Variants in SPOCK3 observed in about 807,000 individuals in gnomAD.
SPOCK3 encodes the protein SPARC (osteonectin), cwcv and kazal like domains proteoglycan 3.
In SPOCK3, 30 loss-of-function variants were observed where a neutral mutation model predicts 56.6. The observed-to-expected ratio is 0.53, with a 90% CI of 0.40 to 0.72. The LOEUF is 0.72. SPOCK3 is among the 30% of genes least tolerant of loss of function. The pLI is 0.00. For synonymous variants in SPOCK3, 196 were observed against 183.3 expected (o/e 1.07, Z -0.56); for missense variants, 527 against 530.0 (o/e 0.99, Z 0.06).
At chr4:166,938,947 T>C (rs1019805971) in intron 4 of SPOCK3, among the ~76,000 whole-genome samples, 21 of 102,892 alleles carry the variant, frequency 2.0e-4, no homozygotes, top group African/African-American at 7.5e-4. Flanking sequence ...AAGACACACA[T>C]ACACACACCA....
In SPOCK3 at chr4:167,181,656, A is replaced by G. The variant is rs1454982119; in HGVS notation, c.189+52329T>C. On this transcript the variant is annotated intron_variant, in intron 2 of 10. Coordinates refer to ENST00000357545, the MANE Select transcript of SPOCK3 (RefSeq NM_001040159.2). ...GTGTAACTCAAATTCCCATACTCCC[A>G]ACCCAGGATGTTTTCACTTGCTTTG... Among the ~76,000 whole-genome samples the G allele has an allele frequency of 4.6e-5, 7 of 152,104 alleles. No homozygotes were observed. The East Asian group carries it at 1.3e-3, about 29-fold the overall frequency.
chr4:167,124,645 A>C (rs1466961034), intron 2 of SPOCK3, among the ~76,000 whole-genome samples: 1 of 146,158 alleles, frequency 6.8e-6, no homozygotes, highest in Non-Finnish European at 1.5e-5. Context: ...AGTTTGCCTT[A>C]TCTTTTTTTT....
At chr4:167,095,964 T>G (rs1377918843) in intron 2 of SPOCK3, among the ~76,000 whole-genome samples, 1 of 151,836 alleles carries the variant, frequency 6.6e-6, no homozygotes, top group African/African-American at 2.4e-5. Context: ...TTGTATACTT[T>G]CAAGGAACAA....
At chr4:166,839,615 G>A (rs1264796173) in intron 6 of SPOCK3, among the ~76,000 whole-genome samples, 2 of 152,060 alleles carry the variant, frequency 1.3e-5, no homozygotes, top group Non-Finnish European at 1.5e-5. Flanking sequence ...CACGGAGAAC[G>A]AAAAACTAGG....
chr4:166,976,720 G>A (rs1373095825), intron 4 of SPOCK3, among the ~76,000 whole-genome samples: 1 of 151,868 alleles, frequency 6.6e-6, no homozygotes, highest in Non-Finnish European at 1.5e-5. Flanking sequence ...AAAAGCACAC[G>A]ACACAAAGAA....
chr4:167,160,009 C>T (rs1395545199), intron 2 of SPOCK3, among the ~76,000 whole-genome samples: 1 of 152,238 alleles, frequency 6.6e-6, no homozygotes, highest in East Asian at 1.9e-4. Flanking sequence ...CTCACCACTC[C>T]TATTCAACAT....
chr4:167,031,564 T>C (rs1752276389), intron 3 of SPOCK3, among the ~76,000 whole-genome samples: 1 of 151,982 alleles, frequency 6.6e-6, no homozygotes, highest in Admixed American at 6.6e-5. Flanking sequence ...AGAAAAATAT[T>C]TGAATTACAG....
rs763997325 is a variant in SPOCK3 at position 167,188,428 on chromosome 4, C to T, written c.189+45557G>A. On this transcript the variant is annotated intron_variant, in intron 2 of 10. Coordinates refer to ENST00000357545, the MANE Select transcript of SPOCK3 (RefSeq NM_001040159.2). ...ACTAGAAATAGCCCAGATACTGGAA[C>T]GATAAGAAAAAAGGTCTTTAAAATT... is the stretch of plus-strand genomic sequence containing the variant. Among the ~76,000 whole-genome samples the T allele has an allele frequency of 4.1e-5, 6 of 144,792 alleles. 1 individual carries two copies. Among genetic ancestry groups the T allele is most frequent in the African/African-American group, 1.1e-4 (4 of 37,680 alleles). 95.0% of individuals were successfully genotyped at this position (144,792 alleles called of 152,430 possible). A position where few individuals can be genotyped will look rare whatever the true frequency, so the allele number is the denominator to read the frequency against.
At chr4:167,134,042 T>C (rs1390760520) in intron 2 of SPOCK3, among the ~76,000 whole-genome samples, 3 of 146,090 alleles carry the variant, frequency 2.1e-5, no homozygotes, top group Admixed American at 2.0e-4. Context: ...TTTTTTTTTT[T>C]TTTTGAGACA....
chr4:167,123,391 C>G (rs867495668), intron 2 of SPOCK3, among the ~76,000 whole-genome samples: 4 of 152,122 alleles, frequency 2.6e-5, no homozygotes, highest in Middle Eastern at 3.2e-3. Context: ...GGTGGTGTGG[C>G]TTTCTATTTC....
At chr4:166,992,635 G>C (rs1234991225) in intron 4 of SPOCK3, among the ~76,000 whole-genome samples, 2 of 152,124 alleles carry the variant, frequency 1.3e-5, no homozygotes, top group Admixed American at 6.6e-5. Context: ...CTTTGAACCT[G>C]AGCATTTTAA....
chr4:166,942,135 A>G (rs1741143343), intron 4 of SPOCK3, among the ~76,000 whole-genome samples: 1 of 152,250 alleles, frequency 6.6e-6, no homozygotes, highest in Admixed American at 6.5e-5. Flanking sequence ...AAATATAACT[A>G]GACATTAAAA....
chr4:167,016,478 C>T lies in SPOCK3; in HGVS notation c.236-16015G>A, dbSNP rs368299001. On this transcript the variant is annotated intron_variant, in intron 3 of 10. Coordinates refer to ENST00000357545, the MANE Select transcript of SPOCK3 (RefSeq NM_001040159.2). ...AGAATGTAAAATCTTCACTATATTGCGTATAATTTCCCCATGAAGAAAGCT... is the reference window on the plus strand; with the variant it reads ...AGAATGTAAAATCTTCACTATATTGTGTATAATTTCCCCATGAAGAAAGCT... 1.2e-4 allele frequency among the ~76,000 whole-genome samples: 18 copies of T among 151,808 alleles called. No individual in the cohort carries two copies. In the South Asian group the frequency reaches 1.5e-3, roughly 12 times the overall value.
chr4:167,141,057 C>T (rs1015974991), intron 2 of SPOCK3, among the ~76,000 whole-genome samples: 1 of 151,874 alleles, frequency 6.6e-6, no homozygotes, highest in African/African-American at 2.4e-5. Context: ...CAGGCTGACC[C>T]CAGAGGAGTT....
chr4:167,197,124 C>A (rs71620425), intron 2 of SPOCK3, among the ~76,000 whole-genome samples: 4,647 of 152,192 alleles, frequency 0.031, 112 homozygotes, highest in Middle Eastern at 0.075. Context: ...CTTGGGTCAA[C>A]TCTGGGTAGC....
intron 4 of SPOCK3, among the ~76,000 whole-genome samples, chr4:166,956,582 T>C (rs1743502128): frequency 1.3e-5 from 2 of 152,176 alleles, no homozygotes; most frequent in African/African-American, 4.8e-5. Context: ...TTATAAATTG[T>C]TTATTTCTGA....
chr4:166,812,051 G>T (rs1445737838), intron 6 of SPOCK3, among the ~76,000 whole-genome samples: 1 of 151,736 alleles, frequency 6.6e-6, no homozygotes, highest in Non-Finnish European at 1.5e-5. Context: ...GAACATTAAA[G>T]AATCTAGAAA....
At chr4:166,960,382 T>C (rs763206578) in intron 4 of SPOCK3, among the ~76,000 whole-genome samples, 5 of 152,094 alleles carry the variant, frequency 3.3e-5, no homozygotes, top group Non-Finnish European at 7.4e-5. Flanking sequence ...TAACTTTAGG[T>C]GGGGAACATC....
chr4:166,956,220 T>TACACACACACACAC (rs70957803), intron 4 of SPOCK3, among the ~76,000 whole-genome samples: 226 of 149,734 alleles, frequency 1.5e-3, no homozygotes, highest in African/African-American at 5.2e-3. Flanking sequence ...ACCACACACA[T>TACACACACACACAC]ACACACACAC....
Sources: allele counts gnomAD v4.1 joint callset (sites outside exome capture counted in the v4.1 genomes callset), GRCh38; gene constraint gnomAD v4.1.1; transcripts MANE v1.5; gene names NCBI Gene and HGNC (gene_info 2026-07-23, HGNC 2026-07-21).